Variants in ZNF750 observed in about 807,000 individuals in gnomAD.
ZNF750 encodes zinc finger protein 750, also known as protein ZNF750.
In ZNF750, 10 loss-of-function variants were observed where a neutral mutation model predicts 31.6. The ratio of observed to expected loss-of-function variants is 0.32; its 90% CI spans 0.19 to 0.54. The LOEUF (loss-of-function observed/expected upper bound fraction) is 0.54. Among genes scored for constraint, ZNF750 ranks in the 20% least tolerant of loss-of-function variants. The pLI is 0.95. For synonymous variants in ZNF750, 400 were observed against 404.9 expected (o/e 0.99, Z 0.15); for missense variants, 914 against 934.9 (o/e 0.98, Z 0.29).
At position 82,831,463 on chromosome 17, in the gene ZNF750, T is replaced by C; in HGVS notation, c.992A>G (p.Tyr331Cys). 2 of 1,613,836 alleles carry C rather than the reference T, an allele frequency of 1.2e-6. No individual in the cohort carries two copies. Among genetic ancestry groups the C allele is most frequent in the Non-Finnish European group, 8.5e-7 (1 of 1,179,956 alleles). The stretch of plus-strand genomic sequence containing the variant: ...AGTGACAGGTGGGAGTCTGAGACCA[T>C]AGGAGGAAAATGCAGACTCTGGCCT... ...FYRPESAFSS[Y>C]GLRLPPVTGL... The change falls in exon 2 of 3, where the codon TAT (tyrosine) becomes TGT (cysteine). Residue 331 changes from tyrosine (Y) to cysteine (C), a missense_variant. Around this residue, in one of 2 missense-constraint regions of ZNF750, gnomAD observed 880 missense variants for 868.9 expected, o/e 1.01. Coordinates refer to ENST00000269394, the MANE Select transcript of ZNF750 (RefSeq NM_024702.3). The surrounding 1 kb of genome is among the most constrained non-coding windows in gnomAD (Gnocchi z 4.6).
intron 1 of ZNF750, among the ~76,000 whole-genome samples, chr17:82,837,846 T>G (rs190419263): frequency 6.6e-6 from 1 of 152,362 alleles, no homozygotes. Context: ...GCACAAAGCC[T>G]TCTTTCTCCA....
Position 82,831,070 on chromosome 17 carries a change from G to A in ZNF750, c.1385C>T (p.Thr462Ile), listed in dbSNP as rs144851291. 5.3e-5 allele frequency: 86 copies of A among 1,614,222 alleles called. No individual in the cohort carries two copies. Among genetic ancestry groups the A allele is most frequent in the Admixed American group, 4.5e-4 (27 of 60,032 alleles). ...AGCAGCCTGGGCAGGTAGGCATTCT[G>A]TGCTTTTCTTAACAGGCCTGAAGGC... ...LTAFRPVKKS[T>I]ECLPAQAAET... The change falls in exon 2 of 3, where the codon ACA (threonine) becomes ATA (isoleucine). Residue 462 changes from threonine to isoleucine, a missense_variant. Thr to Ile is a moderately conservative substitution (Grantham distance 89). Around this residue, in one of 2 missense-constraint regions of ZNF750, gnomAD observed 880 missense variants for 868.9 expected, o/e 1.01. Transcript: ENST00000269394. The surrounding 1 kb of genome is among the most constrained non-coding windows in gnomAD (Gnocchi z 4.6).
chr17:82,836,737 A>C (rs868623281), intron 1 of ZNF750, among the ~76,000 whole-genome samples: 2 of 152,110 alleles, frequency 1.3e-5, no homozygotes, highest in East Asian at 1.9e-4. Flanking sequence ...AAACAAAAAA[A>C]CCCACAAAAC....
chr17:82,829,926 T>C lies in ZNF750; in HGVS notation c.*216A>G. 1.3e-6 allele frequency: 1 copy of C among 743,266 alleles called. No individual in the cohort carries two copies. Among genetic ancestry groups the C allele is most frequent in the Admixed American group, 2.9e-5 (1 of 34,578 alleles). The allele number at this position is 743,266 out of a possible 1,614,324, so 46.0% of individuals were successfully genotyped here. A position where few individuals can be genotyped will look rare whatever the true frequency, so the allele number is the denominator to read the frequency against. On this transcript the variant is annotated 3_prime_UTR_variant, in exon 3 of 3. Coordinates refer to ENST00000269394, the MANE Select transcript of ZNF750 (RefSeq NM_024702.3). Reference sequence around the variant, plus strand: ...CAGTCTTAGAGTCATTCAGGTGTTTTTACAACCAAAAGTAGAAGCACCTTT... The same window carrying C: ...CAGTCTTAGAGTCATTCAGGTGTTTCTACAACCAAAAGTAGAAGCACCTTT...
At position 82,840,003 on chromosome 17, in the gene ZNF750, C is replaced by G. The variant is rs149960076; in HGVS notation, c.-259G>C. The G allele has an allele frequency of 1.3e-5, 2 of 152,576 alleles. No homozygotes were observed. Among genetic ancestry groups the G allele is most frequent in the East Asian group, 3.9e-4 (2 of 5,192 alleles). The allele number at this position is 152,576 out of a possible 1,614,324, so 9.5% of individuals were successfully genotyped here. On this transcript the variant is annotated 5_prime_UTR_variant, in exon 1 of 3. Coordinates refer to ENST00000269394, the MANE Select transcript of ZNF750 (RefSeq NM_024702.3). Reference sequence around the variant, plus strand: ...GTGCTCAGGAAGCAGTACCTGTTCTCACGCTTGCTGGGTGAAACTGGAGCC... The same window carrying G: ...GTGCTCAGGAAGCAGTACCTGTTCTGACGCTTGCTGGGTGAAACTGGAGCC...
intron 1 of ZNF750, chr17:82,839,020 C>G: frequency 1.0e-6 from 1 of 966,240 alleles, no homozygotes; most frequent in Non-Finnish European, 1.2e-6. Flanking sequence ...GAAAAAAACC[C>G]TTTTGTATCT....
In ZNF750 at chr17:82,835,158, T is replaced by C. The variant is rs2890157; in HGVS notation, c.-182-2522A>G. On this transcript the variant is annotated intron_variant, in intron 1 of 2. Transcript: ENST00000269394. This position sits in a 1 kb window ranked among gnomAD's most constrained non-coding sequence, Gnocchi z 4.5. The stretch of plus-strand genomic sequence containing the variant: ...GCAGATGTGCCCATTCTTGAGTCTG[T>C]GAGGTTTTATGTGTAGACATCAGGG... Among the ~76,000 whole-genome samples, 152,194 of 152,280 alleles carry C rather than the reference T, an allele frequency of 1. 76,055 individuals carry two copies. The highest frequency in any genetic ancestry group is 1 in the East Asian group (5,160 of 5,160).
In ZNF750 at chr17:82,829,573, CATT is replaced by C. The variant is rs1231883755; in HGVS notation, c.*566_*568del. 6.4e-6 allele frequency: 1 copy of C among 156,718 alleles called. No homozygotes were observed. Among genetic ancestry groups the C allele is most frequent in the Non-Finnish European group, 1.4e-5 (1 of 70,620 alleles). 9.7% of individuals were successfully genotyped at this position (156,718 alleles called of 1,614,324 possible). A position where few individuals can be genotyped will look rare whatever the true frequency, so the allele number is the denominator to read the frequency against. ...GAGTAAGCCAGAACATTCACTGTAA[CATT>C]ATAAGCAAGTAGAATAAATTGATAA... On this transcript the variant is annotated 3_prime_UTR_variant, in exon 3 of 3. Coordinates refer to ENST00000269394, the MANE Select transcript of ZNF750 (RefSeq NM_024702.3).
chr17:82,837,788 G>A (rs986305901), intron 1 of ZNF750, among the ~76,000 whole-genome samples: 4 of 152,232 alleles, frequency 2.6e-5, no homozygotes, highest in African/African-American at 4.8e-5. Context: ...ACTGCTGCTG[G>A]CTAATGTGTG....
intron 1 of ZNF750, among the ~76,000 whole-genome samples, chr17:82,837,873 G>A (rs1259663914): frequency 6.6e-6 from 1 of 152,238 alleles, no homozygotes; most frequent in Non-Finnish European, 1.5e-5. Flanking sequence ...TTCAGATCAA[G>A]CAGCCAATGT....
chr17:82,839,641 T>C (rs796082611), intron 1 of ZNF750, among the ~76,000 whole-genome samples: 6 of 152,350 alleles, frequency 3.9e-5, no homozygotes, highest in Non-Finnish European at 7.4e-5. Context: ...AGCAATAATA[T>C]GAATTTGTGT....
Position 82,830,469 on chromosome 17 carries a change from G to C in ZNF750, c.1845C>G (p.Gly615=), listed in dbSNP as rs368809578. 22 of 1,612,748 alleles carry C rather than the reference G, an allele frequency of 1.4e-5. No homozygotes were observed. In the Middle Eastern group the frequency reaches 4.9e-4, roughly 36 times the overall value. ...DGDGAPPTGP[G]EEAPDACAVD... The stretch of plus-strand genomic sequence containing the variant: ...CCGCGCATGCGTCTGGAGCCTCCTC[G>C]CCGGGGCCTGTGGGTGGGGCCCCGT... Residue 615 remains glycine, a synonymous_variant, in exon 3 of 3, where the codon GGC becomes GGG. Transcript: ENST00000269394.
Position 82,831,039 on chromosome 17 carries a change from G to C in ZNF750, c.1416C>G (p.Thr472=). Residue 472 remains threonine, a synonymous_variant, in exon 2 of 3, where the codon ACC becomes ACG. Coordinates refer to ENST00000269394, the MANE Select transcript of ZNF750 (RefSeq NM_024702.3). The surrounding 1 kb of genome is among the most constrained non-coding windows in gnomAD (Gnocchi z 4.6). Reference sequence around the variant, plus strand: ...CTTACCTTACTGGAGACTCTGCTGTGGTCTCAGCAGCCTGGGCAGGTAGGC... The same window carrying C: ...CTTACCTTACTGGAGACTCTGCTGTCGTCTCAGCAGCCTGGGCAGGTAGGC... ...TECLPAQAAE[T]TAESPVSLNV... 1 of 1,614,168 alleles carries C rather than the reference G, an allele frequency of 6.2e-7. No homozygotes were observed. Among genetic ancestry groups the C allele is most frequent in the Non-Finnish European group, 8.5e-7 (1 of 1,180,048 alleles).
Position 82,833,159 on chromosome 17 carries a change from A to G in ZNF750, c.-182-523T>C, listed in dbSNP as rs59241334. Among the ~76,000 whole-genome samples, 12,365 of 152,006 alleles carry G rather than the reference A, an allele frequency of 0.081. 1,300 individuals carry two copies. Among genetic ancestry groups the G allele is most frequent in the African/African-American group, 0.24 (10,030 of 41,406 alleles). On this transcript the variant is annotated intron_variant, in intron 1 of 2. Transcript: ENST00000269394. This position sits in a 1 kb window ranked among gnomAD's most constrained non-coding sequence, Gnocchi z 4.7. The stretch of plus-strand genomic sequence containing the variant: ...GGGTTTGTGGCTGTTTCCCCTTAAC[A>G]TGTACCCACAGTCACAGAGTGCCCC...
At position 82,830,427 on chromosome 17, in the gene ZNF750, C is replaced by T. The variant is rs1298139075; in HGVS notation, c.1887G>A (p.Glu629=). ...GGGCCACGGCTGCCGTCTGCTTCTG[C>T]TCCTCGCTGCTGTCCACCGCGCATG... ...PDACAVDSSE[E]QKQTAAVALC... is the part of the protein sequence containing the mutation. The change falls in exon 3 of 3, where the codon GAG becomes GAA. Residue 629 remains glutamate (E), a synonymous_variant. Coordinates refer to ENST00000269394, the MANE Select transcript of ZNF750 (RefSeq NM_024702.3). The T allele has an allele frequency of 6.2e-7, 1 of 1,611,726 alleles. No individual in the cohort carries two copies. Among genetic ancestry groups the T allele is most frequent in the African/African-American group, 1.3e-5 (1 of 75,054 alleles).
Position 82,830,441 on chromosome 17 carries a change from C to T in ZNF750, c.1873G>A (p.Asp625Asn). The T allele has an allele frequency of 6.2e-7, 1 of 1,612,126 alleles. No individual in the cohort carries two copies. ...GTCTGCTTCTGCTCCTCGCTGCTGT[C>T]CACCGCGCATGCGTCTGGAGCCTCC... ...GEEAPDACAV[D>N]SSEEQKQTAA... Residue 625 changes from aspartate to asparagine, a missense_variant, in exon 3 of 3, where the codon GAC becomes AAC. Transcript: ENST00000269394.
chr17:82,831,828 G>T lies in ZNF750; in HGVS notation c.627C>A (p.Ala209=), dbSNP rs530175205. 6.2e-7 allele frequency: 1 copy of T among 1,614,068 alleles called. No individual in the cohort carries two copies. The highest frequency in any genetic ancestry group is 1.3e-5 in the African/African-American group (1 of 74,922). ...AFHTPGYPWK[A]GSPFLPPEFP... ...ACTCTGGTGGAAGGAAAGGTGAGCC[G>T]GCTTTCCAGGGGTAGCCAGGAGTGT... Residue 209 remains alanine (A), a synonymous_variant, in exon 2 of 3, where the codon GCC becomes GCA. Coordinates refer to ENST00000269394, the MANE Select transcript of ZNF750 (RefSeq NM_024702.3). This position sits in a 1 kb window ranked among gnomAD's most constrained non-coding sequence, Gnocchi z 4.6.
At position 82,832,571 on chromosome 17, in the gene ZNF750, T is replaced by A; in HGVS notation, c.-117A>T. ...CGCTTTGCTTTCTTTCCCGATCACTTCTATCAGAAGCCAGCTCTGCGTGCT... is the reference window on the plus strand; with the variant it reads ...CGCTTTGCTTTCTTTCCCGATCACTACTATCAGAAGCCAGCTCTGCGTGCT... On this transcript the variant is annotated 5_prime_UTR_variant, in exon 2 of 3. Coordinates refer to ENST00000269394, the MANE Select transcript of ZNF750 (RefSeq NM_024702.3). This position sits in a 1 kb window ranked among gnomAD's most constrained non-coding sequence, Gnocchi z 4.9. 1.1e-6 allele frequency: 1 copy of A among 878,684 alleles called. No individual in the cohort carries two copies. Among genetic ancestry groups the A allele is most frequent in the Non-Finnish European group, 1.8e-6 (1 of 545,072 alleles). 54.4% of individuals were successfully genotyped at this position (878,684 alleles called of 1,614,324 possible).
rs570154400 is a variant in ZNF750 at position 82,834,095 on chromosome 17, C to T, written c.-182-1459G>A. Among the ~76,000 whole-genome samples the T allele has an allele frequency of 3.3e-5, 5 of 152,328 alleles. No individual in the cohort carries two copies. The South Asian group carries it at 1.0e-3, about 32-fold the overall frequency. ...GAGTAGCTGGAATTACAGGCGCCCA[C>T]CACCATGCCCAGCTAATTTTTTTTG... On this transcript the variant is annotated intron_variant, in intron 1 of 2. Coordinates refer to ENST00000269394, the MANE Select transcript of ZNF750 (RefSeq NM_024702.3).
Sources: allele counts gnomAD v4.1 joint callset (sites outside exome capture counted in the v4.1 genomes callset), GRCh38; gene constraint gnomAD v4.1.1; regional missense constraint gnomAD v4.1.1; non-coding constraint Gnocchi (gnomAD v3.1); transcripts MANE v1.5; gene names NCBI Gene and HGNC (gene_info 2026-07-23, HGNC 2026-07-21).